Variants in NPAS2 observed in about 807,000 individuals in gnomAD.
NPAS2 encodes neuronal PAS domain-containing protein 2.
A neutral mutation model predicts 107.5 loss-of-function variants in NPAS2; 23 were observed. The observed-to-expected ratio is 0.21, with a 90% CI of 0.15 to 0.30. The LOEUF (loss-of-function observed/expected upper bound fraction) is 0.30, where lower values mean the gene tolerates loss of function less well. NPAS2 is among the 10% of genes least tolerant of loss of function. The pLI is 1.00. For synonymous variants in NPAS2, 403 were observed against 417.5 expected (o/e 0.97, Z 0.42); for missense variants, 756 against 1,043.3 (o/e 0.72, Z 3.79).
At position 100,881,821 on chromosome 2, in the gene NPAS2, AC is replaced by A. The variant is rs562505229; in HGVS notation, c.-22-22911del. Among the ~76,000 whole-genome samples the A allele has an allele frequency of 1.4e-3, 206 of 152,264 alleles. 2 individuals are homozygous for A. Among genetic ancestry groups the A allele is most frequent in the African/African-American group, 4.7e-3 (194 of 41,550 alleles). On this transcript the variant is annotated intron_variant, in intron 1 of 20. Coordinates refer to ENST00000335681, the MANE Select transcript of NPAS2 (RefSeq NM_002518.4). The stretch of plus-strand genomic sequence containing the variant: ...AGGAAGTCCAGGCGCAGAGGGCTTC[AC>A]TCACTCCACATGCCACGGACAGTGC...
intron 7 of NPAS2, among the ~76,000 whole-genome samples, chr2:100,955,066 T>C (rs77617308): frequency 0.24 from 36,913 of 151,914 alleles, 4,906 homozygotes; most frequent in East Asian, 0.46. Flanking sequence ...TTAGTAGAGA[T>C]GGGGTTTCGT....
rs187015268 is a variant in NPAS2, at chr2:100,913,703, G to A, written c.32+8917G>A. On this transcript the variant is annotated intron_variant, in intron 2 of 20. Transcript: ENST00000335681. ...ATCCAGCTCACAGATGAGGAGTTCC[G>A]ATTCAATGGTTTTTAATTTTTTCCC... 7.9e-5 allele frequency among the ~76,000 whole-genome samples: 12 copies of A among 152,196 alleles called. 2 individuals are homozygous for A. Among genetic ancestry groups the A allele is most frequent in the African/African-American group, 2.6e-4 (11 of 41,518 alleles).
intron 3 of NPAS2, among the ~76,000 whole-genome samples, chr2:100,925,941 ATTC>A (rs1683533372): frequency 6.6e-6 from 1 of 151,998 alleles, no homozygotes; most frequent in African/African-American, 2.4e-5. Context: ...ATCATTTCCC[ATTC>A]TTCCCCCTCC....
chr2:100,960,891 C>A (rs975690053), intron 7 of NPAS2, among the ~76,000 whole-genome samples: 1 of 152,164 alleles, frequency 6.6e-6, no homozygotes, highest in Admixed American at 6.5e-5. Flanking sequence ...TTGTTGTGTG[C>A]TCAGAGGTGG....
At chr2:100,840,618 C>A (rs1280274057) in intron 1 of NPAS2, among the ~76,000 whole-genome samples, 1 of 150,422 alleles carries the variant, frequency 6.6e-6, no homozygotes, top group Non-Finnish European at 1.5e-5. Flanking sequence ...TTTTTTTAAT[C>A]TTAACCCCCA....
At chr2:100,931,483 CTTT>C (rs10709889) in intron 3 of NPAS2, among the ~76,000 whole-genome samples, 11 of 81,314 alleles carry the variant, frequency 1.4e-4, no homozygotes, top group Non-Finnish European at 1.2e-4. Context: ...TAACTCAGCT[CTTT>C]TTTTTTTTTT....
chr2:100,903,610 T>A (rs1573584832), intron 1 of NPAS2, among the ~76,000 whole-genome samples: 1 of 152,196 alleles, frequency 6.6e-6, no homozygotes, highest in Non-Finnish European at 1.5e-5. Flanking sequence ...GAAGTGCTGG[T>A]TTGGGAGTTC....
intron 2 of NPAS2, among the ~76,000 whole-genome samples, chr2:100,923,063 G>A (rs192648120): frequency 9.8e-5 from 15 of 152,338 alleles, no homozygotes; most frequent in Admixed American, 9.1e-4. Flanking sequence ...CACTCTGAAA[G>A]TTAAAGGATT....
At chr2:100,831,506 G>A (rs1676735391) in intron 1 of NPAS2, among the ~76,000 whole-genome samples, 1 of 152,104 alleles carries the variant, frequency 6.6e-6, no homozygotes, top group East Asian at 1.9e-4. Context: ...GGATGTGTCA[G>A]CTAGAACCTT....
chr2:100,917,983 G>A (rs930285850), intron 2 of NPAS2, among the ~76,000 whole-genome samples: 1 of 151,914 alleles, frequency 6.6e-6, no homozygotes, highest in African/African-American at 2.4e-5. Flanking sequence ...TATGAGAAAG[G>A]AAATCTACAG....
chr2:100,883,940 AC>A (rs1680541999), intron 1 of NPAS2, among the ~76,000 whole-genome samples: 2 of 151,856 alleles, frequency 1.3e-5, no homozygotes, highest in Admixed American at 1.3e-4. Context: ...TTTCTGTTTC[AC>A]CCCTGGAGAG....
chr2:100,851,123 G>A (rs1360382745), intron 1 of NPAS2, among the ~76,000 whole-genome samples: 3 of 152,140 alleles, frequency 2.0e-5, no homozygotes, highest in Non-Finnish European at 4.4e-5. Flanking sequence ...AAGACGGGAA[G>A]TAGAATGGGA....
Position 100,869,931 on chromosome 2 carries a change from G to A in NPAS2, c.-22-34802G>A, listed in dbSNP as rs540810527. Among the ~76,000 whole-genome samples, 33 of 130,262 alleles carry A rather than the reference G, an allele frequency of 2.5e-4. 1 individual carries two copies. The South Asian group carries it at 7.5e-3, about 30-fold the overall frequency. The allele number at this position is 130,262 out of a possible 152,430, so 85.5% of individuals were successfully genotyped here. A position where few individuals can be genotyped will look rare whatever the true frequency, so the allele number is the denominator to read the frequency against. ...TTTTTTTTTTTTTTTTTGAGATGGAGTCTCGCTCTGTCGCCCAGGCTGGAG... is the reference window on the plus strand; with the variant it reads ...TTTTTTTTTTTTTTTTTGAGATGGAATCTCGCTCTGTCGCCCAGGCTGGAG... On this transcript the variant is annotated intron_variant, in intron 1 of 20. Coordinates refer to ENST00000335681, the MANE Select transcript of NPAS2 (RefSeq NM_002518.4).
At chr2:100,865,942 C>G (rs1679222294) in intron 1 of NPAS2, among the ~76,000 whole-genome samples, 2 of 152,202 alleles carry the variant, frequency 1.3e-5, no homozygotes, top group African/African-American at 4.8e-5. Flanking sequence ...TCTCTTTATT[C>G]CTGTCTCTTC....
chr2:100,950,927 T>C (rs1372317566), intron 7 of NPAS2, among the ~76,000 whole-genome samples: 7 of 152,116 alleles, frequency 4.6e-5, no homozygotes, highest in South Asian at 2.1e-4. Flanking sequence ...AAATGGAAGC[T>C]CTCGTTGGGC....
rs183485090 is a variant in NPAS2 at position 100,987,928 on chromosome 2, A to C, written c.1630-151A>C. On this transcript the variant is annotated intron_variant, in intron 16 of 20. Coordinates refer to ENST00000335681, the MANE Select transcript of NPAS2 (RefSeq NM_002518.4). Reference sequence around the variant, plus strand: ...CCTGACACTGAGCTTGGGGCATCACAGGTGCTCCATGTCCACCAGTGGAGT... The same window carrying C: ...CCTGACACTGAGCTTGGGGCATCACCGGTGCTCCATGTCCACCAGTGGAGT... 2,132 of 804,164 alleles carry C rather than the reference A, an allele frequency of 2.7e-3. 7 individuals carry two copies. The highest frequency in any genetic ancestry group is 3.9e-3 in the Non-Finnish European group (1,876 of 479,984). 49.8% of individuals were successfully genotyped at this position (804,164 alleles called of 1,614,324 possible).
intron 4 of NPAS2, among the ~76,000 whole-genome samples, chr2:100,933,713 G>A (rs1684128453): frequency 6.6e-6 from 1 of 152,180 alleles, no homozygotes; most frequent in Admixed American, 6.5e-5. Context: ...AGAAACAACT[G>A]CCAACGTGCT....
intron 1 of NPAS2, among the ~76,000 whole-genome samples, chr2:100,831,246 A>G (rs1449185240): frequency 6.6e-6 from 1 of 152,108 alleles, no homozygotes; most frequent in Non-Finnish European, 1.5e-5. Context: ...CGGTGGACTG[A>G]GATTGCGCCA....
At chr2:100,821,166 CGCTCCTCT>C in intron 1 of NPAS2, 1 of 1,304,690 alleles carries the variant, frequency 7.7e-7, no homozygotes, top group Non-Finnish European at 1.0e-6. Flanking sequence ...GAACCAGTCC[CGCTCCTCT>C]GCTTGCCACT....
Sources: gnomAD v4.1 joint callset for allele counts (sites outside exome capture counted in the v4.1 genomes callset) on GRCh38, gnomAD v4.1.1 for gene constraint, MANE v1.5 for transcripts, NCBI Gene and HGNC (gene_info 2026-07-23, HGNC 2026-07-21) for gene names.